TLE2: variants seen among roughly 807,000 people sequenced by gnomAD.
TLE2 encodes the protein transducin-like enhancer protein 2.
A neutral mutation model predicts 97.2 loss-of-function variants in TLE2; 74 were observed. The observed-to-expected ratio is 0.76, with a 90% CI of 0.63 to 0.92. The LOEUF is 0.92. Ranked by LOEUF, TLE2 falls within the 40% of genes least tolerant of loss-of-function variation. The pLI is 0.00. For missense variants in TLE2, 1,038 were observed against 1,008.7 expected (o/e 1.03, Z -0.39); for synonymous variants, 499 against 432.1 (o/e 1.15, Z -1.92).
intron 2 of TLE2, 58 bp from the exon 3 acceptor site, chr19:3,028,440 A>T (rs1222612416): frequency 4.0e-6 from 6 of 1,512,936 alleles, no homozygotes; most frequent in Non-Finnish European, 5.4e-6. Flanking sequence ...CCGGCTTCCA[A>T]AGTGAGAGGC....
In TLE2 at chr19:3,011,021, C is replaced by A. The variant is rs762284405; in HGVS notation, c.1012+1G>T. ...CAGGCACCAACAGGCAAGGTGCTCA[C>A]CGACGCTGTCCGTGGAAGGTGCTGG... On this transcript the variant is annotated splice_donor_variant, in intron 12 of 19. Coordinates refer to ENST00000262953, the MANE Select transcript of TLE2 (RefSeq NM_003260.5). LOFTEE classifies it high-confidence loss of function. 2.5e-6 allele frequency: 4 copies of A among 1,602,668 alleles called. No individual in the cohort carries two copies. The highest frequency in any genetic ancestry group is 4.5e-5 in the East Asian group (2 of 44,520).
At chr19:3,041,192 A>C (rs541863032) in intron 1 of TLE2, among the ~76,000 whole-genome samples, 1 of 148,936 alleles carries the variant, frequency 6.7e-6, no homozygotes, top group South Asian at 2.1e-4. Flanking sequence ...ACGCCTGGCT[A>C]ATTTTTGTAT....
upstream of TLE2, among the ~76,000 whole-genome samples, chr19:3,033,874 G>A (rs926697992): frequency 3.3e-5 from 5 of 151,242 alleles, no homozygotes; most frequent in East Asian, 2.0e-4. Context: ...AATAACAAAC[G>A]TAGGTCTCTG....
chr19:2,997,832 G>GA lies in TLE2; in HGVS notation c.*15dup, dbSNP rs1400962954. 2 of 1,577,560 alleles carry GA rather than the reference G, an allele frequency of 1.3e-6. No homozygotes were observed. The highest frequency in any genetic ancestry group is 1.7e-6 in the Non-Finnish European group (2 of 1,154,426). The stretch of plus-strand genomic sequence containing the variant: ...CTGGGAGTCTGGACTTCGGGTACAG[G>GA]AAGGGGGGTCATGTCTCAGTAGACC... On this transcript the variant is annotated 3_prime_UTR_variant, in exon 20 of 20. Coordinates refer to ENST00000262953, the MANE Select transcript of TLE2 (RefSeq NM_003260.5).
intron 1 of TLE2, among the ~76,000 whole-genome samples, chr19:3,035,756 A>G (rs1184023072): frequency 6.6e-6 from 1 of 152,178 alleles, no homozygotes; most frequent in Admixed American, 6.5e-5. Context: ...CAATGGCAGG[A>G]GGCACTGGGA....
chr19:3,005,926 C>G lies in TLE2; in HGVS notation c.1543G>C (p.Gly515Arg), dbSNP rs763293003. The change falls in exon 16 of 20, where the codon GGC (glycine) becomes CGC (arginine). Residue 515 changes from glycine to arginine, a missense_variant. By Grantham distance (125) the Gly-to-Arg change is moderately radical (BLOSUM62 -2). Transcript: ENST00000262953. Reference sequence around the variant, plus strand: ...TCACCGCCCACGATCAGACTCCGGCCATCCGGCAGCAACTTGCAGGAACGA... The same window carrying G: ...TCACCGCCCACGATCAGACTCCGGCGATCCGGCAGCAACTTGCAGGAACGA... ...YIRSCKLLPDGRSLIVGGEAS... is the reference protein window; with the variant it reads ...YIRSCKLLPDRRSLIVGGEAS... The G allele has an allele frequency of 7.4e-6, 12 of 1,611,372 alleles. No homozygotes were observed. Among genetic ancestry groups the G allele is most frequent in the Non-Finnish European group, 1.0e-5 (12 of 1,177,802 alleles).
intron 5 of TLE2, among the ~76,000 whole-genome samples, chr19:3,022,997 T>C (rs1441639441): frequency 6.6e-6 from 1 of 152,044 alleles, no homozygotes; most frequent in East Asian, 1.9e-4. Context: ...GAGCTGCAGT[T>C]TGCTAATTCC....
rs2089458014 is a variant in TLE2, at chr19:3,005,655, C to T, written c.1748+66G>A. On this transcript the variant is annotated intron_variant, in intron 16 of 19. Transcript: ENST00000262953. ...CCCAGCATCGTCCCAGGTCACACTC[C>T]TCCACTCCCCCTGCACCGAGAGCGG... The T allele has an allele frequency of 3.1e-6, 5 of 1,607,082 alleles. No individual in the cohort carries two copies. In the Admixed American group the frequency reaches 5.0e-5, roughly 16 times the overall value.
intron 1 of TLE2, among the ~76,000 whole-genome samples, chr19:3,045,190 G>A (rs1451795232): frequency 6.6e-6 from 1 of 152,244 alleles, no homozygotes; most frequent in Non-Finnish European, 1.5e-5. Flanking sequence ...CTTCAGCCTG[G>A]TTGCCCAGGT....
intron 11 of TLE2, among the ~76,000 whole-genome samples, chr19:3,012,519 T>C (rs529755341): frequency 3.0e-4 from 46 of 152,308 alleles, no homozygotes; most frequent in African/African-American, 1.1e-3. Flanking sequence ...ACCCAGCCAC[T>C]GTTGAGATTC....
intron 1 of TLE2, among the ~76,000 whole-genome samples, chr19:3,041,014 T>TATATATATATATAGATATA (rs55998855): frequency 5.0e-5 from 1 of 20,168 alleles, no homozygotes; most frequent in Non-Finnish European, 8.4e-5. Context: ...TATATATATA[T>TATATATATATATAGATATA]TTTTTTTTTT....
chr19:3,002,543 CTT>C, intron 17 of TLE2, 40 bp from the exon 18 acceptor site: 3 of 1,537,804 alleles, frequency 2.0e-6, no homozygotes, highest in Non-Finnish European at 2.6e-6. Flanking sequence ...ACGAGCCCCT[CTT>C]TGTTTTGTGT....
intron 10 of TLE2, among the ~76,000 whole-genome samples, chr19:3,014,084 AT>A (rs1200661911): frequency 6.6e-6 from 1 of 151,194 alleles, no homozygotes; most frequent in Non-Finnish European, 1.5e-5. Flanking sequence ...CATCCAGCTA[AT>A]TTTTTTGTAT....
chr19:3,021,812 A>G (rs1211165871), intron 5 of TLE2, among the ~76,000 whole-genome samples: 1 of 152,030 alleles, frequency 6.6e-6, no homozygotes, highest in Admixed American at 6.5e-5. Flanking sequence ...TGAACTCCTG[A>G]TCTCAAGTGA....
At chr19:3,026,455 TAAAAAA>T (rs34783402) in intron 4 of TLE2, among the ~76,000 whole-genome samples, 4 of 111,320 alleles carry the variant, frequency 3.6e-5, no homozygotes, top group East Asian at 2.4e-4. Flanking sequence ...TCTCAAAATT[TAAAAAA>T]AAAAAAAAAA....
chr19:3,006,240 A>T, intron 15 of TLE2, 180 bp downstream of exon 15: 13 of 1,128,878 alleles, frequency 1.2e-5, no homozygotes, highest in Non-Finnish European at 1.7e-5. Context: ...GATTGGCCAG[A>T]GCCCCACCCC....
At chr19:3,041,976 C>G (rs1407299679) in intron 1 of TLE2, among the ~76,000 whole-genome samples, 2 of 151,990 alleles carry the variant, frequency 1.3e-5, no homozygotes, top group African/African-American at 2.4e-5. Context: ...CGCCCGCCCC[C>G]TCCTCCCGCG....
intron 17 of TLE2, among the ~76,000 whole-genome samples, chr19:3,002,752 G>T (rs998985739): frequency 6.6e-5 from 10 of 151,840 alleles, no homozygotes; most frequent in African/African-American, 1.2e-4. Flanking sequence ...AGGCTGGAGT[G>T]CAATGTTGCA....
chr19:3,028,233 G>T, intron 3 of TLE2, 86 bp downstream of exon 3: 2 of 1,344,452 alleles, frequency 1.5e-6, no homozygotes, highest in African/African-American at 1.4e-5. Flanking sequence ...GAGGTTCGGA[G>T]TGGGGCAGGG....
Sources: gnomAD v4.1 joint callset for allele counts (sites outside exome capture counted in the v4.1 genomes callset) on GRCh38, gnomAD v4.1.1 for gene constraint, MANE v1.5 for transcripts, NCBI Gene and HGNC (gene_info 2026-07-23, HGNC 2026-07-21) for gene names.